The following TMEM129 variants were observed in gnomAD, a reference collection of about 807,000 sequenced individuals.
TMEM129 encodes transmembrane protein 129, E3 ubiquitin ligase, also known as E3 ubiquitin-protein ligase TM129.
A neutral mutation model predicts 34.1 loss-of-function variants in TMEM129; 35 were observed. That is an observed-to-expected ratio of 1.03 (90% confidence interval 0.78 to 1.36). The LOEUF is 1.36. Among genes scored for constraint, TMEM129 ranks in the 40% most tolerant of loss-of-function variants. The probability of loss-of-function intolerance (pLI) is 0.00; values close to 1 mark genes in which losing one functional copy is unlikely to be tolerated. For missense variants in TMEM129, 504 were observed against 512.6 expected, an observed-to-expected ratio of 0.98 and a Z score of 0.16; for synonymous variants, 239 against 217.3, an observed-to-expected ratio of 1.10 and a Z score of -0.88.
rs3822048 is a variant in TMEM129, at chr4:1,720,172, C to T, written c.205+461G>A. Among the ~76,000 whole-genome samples, 32,145 of 152,106 alleles carry T rather than the reference C, an allele frequency of 0.21. 3,659 individuals carry two copies. The highest frequency in any genetic ancestry group is 0.26 in the Non-Finnish European group (17,363 of 67,944). On this transcript the variant is annotated intron_variant, in intron 1 of 3. Coordinates refer to ENST00000382936, the MANE Select transcript of TMEM129 (RefSeq NM_001127266.2). This position sits in a 1 kb window ranked among gnomAD's most constrained non-coding sequence, Gnocchi z 4.4. ...ACAGAGGCCCTCCCCAGCCTCTGCCCCTGTGGCGCCCCCAAACTGGAACTG... is the reference window on the plus strand; with the variant it reads ...ACAGAGGCCCTCCCCAGCCTCTGCCTCTGTGGCGCCCCCAAACTGGAACTG...
At position 1,718,185 on chromosome 4, in the gene TMEM129, C is replaced by T. The variant is rs1560276742; in HGVS notation, c.647G>A (p.Ser216Asn). The stretch of plus-strand genomic sequence containing the variant: ...AAAGGCCTGCACAGCAGGGTTGGTG[C>T]TGGCCACACGGATGGTGAGGAGCTG... ...PVQLLTIRVA[S>N]TNPAVQAFDI... Residue 216 changes from serine (S) to asparagine (N), a missense_variant, in exon 2 of 4, where the codon AGC becomes AAC. By Grantham distance (46) the Ser-to-Asn change is conservative. Coordinates refer to ENST00000382936, the MANE Select transcript of TMEM129 (RefSeq NM_001127266.2). 1 of 1,582,644 alleles carries T rather than the reference C, an allele frequency of 6.3e-7. No homozygotes were observed. The highest frequency in any genetic ancestry group is 8.6e-7 in the Non-Finnish European group (1 of 1,164,730).
In TMEM129 at chr4:1,717,143, G is replaced by T. The variant is rs2236788; in HGVS notation, c.*37C>A. 2.5e-4 allele frequency: 350 copies of T among 1,402,776 alleles called. 2 individuals carry two copies. In the Middle Eastern group the frequency reaches 7.0e-3, roughly 28 times the overall value. The allele number at this position is 1,402,776 out of a possible 1,614,324, so 86.9% of individuals were successfully genotyped here. On this transcript the variant is annotated 3_prime_UTR_variant, in exon 4 of 4. Transcript: ENST00000382936. ...CCCCCTTCCCTGCCCTGTGGCTTTGGGGGGAGACACAGAGTCACCTCAAGG... is the reference window on the plus strand; with the variant it reads ...CCCCCTTCCCTGCCCTGTGGCTTTGTGGGGAGACACAGAGTCACCTCAAGG...
intron 1 of TMEM129, chr4:1,718,856 G>A (rs148682232): frequency 1.4e-5 from 19 of 1,396,218 alleles, no homozygotes; most frequent in Middle Eastern, 2.6e-4. Context: ...CACACAATAC[G>A]TAAGTGTTGA....
intron 2 of TMEM129, 132 bp downstream of exon 2, chr4:1,718,020 T>G: frequency 1.2e-6 from 1 of 856,668 alleles, no homozygotes; most frequent in Non-Finnish European, 1.8e-6. Flanking sequence ...ACACCTTGCC[T>G]GGTGTCACAC....
chr4:1,719,868 C>G (rs998835038), intron 1 of TMEM129, among the ~76,000 whole-genome samples: 39 of 152,214 alleles, frequency 2.6e-4, no homozygotes, highest in Admixed American at 2.2e-3. Context: ...TGGGCCCAGG[C>G]AGCTGCATCC....
rs1717325066 is a variant in TMEM129 at position 1,721,243 on chromosome 4, C to T, written c.-406G>A. On this transcript the variant is annotated 5_prime_UTR_variant, in exon 1 of 4. It removes an upstream start codon present in the reference 5' UTR. Transcript: ENST00000382936. Reference sequence around the variant, plus strand: ...ACTTAGGCCTGAGCGAGGCCCTGGCCATGAAGCCCCGCCCAGTAGCGTCAG... The same window carrying T: ...ACTTAGGCCTGAGCGAGGCCCTGGCTATGAAGCCCCGCCCAGTAGCGTCAG... 6.2e-6 allele frequency: 1 copy of T among 160,844 alleles called. No individual in the cohort carries two copies. Among genetic ancestry groups the T allele is most frequent in the South Asian group, 2.0e-4 (1 of 4,934 alleles). 10.0% of individuals were successfully genotyped at this position (160,844 alleles called of 1,614,324 possible). A position where few individuals can be genotyped will look rare whatever the true frequency, so the allele number is the denominator to read the frequency against.
In TMEM129 at chr4:1,717,908, A is replaced by G. The variant is rs1560276256; in HGVS notation, c.681-233T>C. On this transcript the variant is annotated intron_variant, in intron 2 of 3. Coordinates refer to ENST00000382936, the MANE Select transcript of TMEM129 (RefSeq NM_001127266.2). The stretch of plus-strand genomic sequence containing the variant: ...TGCACTGTCCTGAGTGCTCCCCAAG[A>G]ATCTGGGGGAGGTGGCTCCAGGGAG... 2.2e-5 allele frequency: 15 copies of G among 685,270 alleles called. No individual in the cohort carries two copies. In the East Asian group the frequency reaches 4.1e-4, roughly 19 times the overall value. The allele number at this position is 685,270 out of a possible 1,614,324, so 42.4% of individuals were successfully genotyped here.
In TMEM129 at chr4:1,720,889, C is replaced by T; in HGVS notation, c.-52G>A. The T allele has an allele frequency of 6.6e-7, 1 of 1,522,204 alleles. No individual in the cohort carries two copies. Among genetic ancestry groups the T allele is most frequent in the South Asian group, 1.2e-5 (1 of 81,198 alleles). The allele number at this position is 1,522,204 out of a possible 1,614,324, so 94.3% of individuals were successfully genotyped here. On this transcript the variant is annotated 5_prime_UTR_variant, in exon 1 of 4. Transcript: ENST00000382936. The surrounding 1 kb of genome is among the most constrained non-coding windows in gnomAD (Gnocchi z 4.4). ...CTAGGCCCCCGCCCCGGCGCGCGGA[C>T]GAGGCCGCAGCGCCCAGTCCCGGAC...
At chr4:1,717,724 A>G in intron 2 of TMEM129, 49 bp from the exon 3 acceptor site, 1 of 1,454,384 alleles carries the variant, frequency 6.9e-7, no homozygotes, top group Non-Finnish European at 9.1e-7. Context: ...AAGGGAGCGG[A>G]AGATGGAGGC....
chr4:1,717,896 G>A (rs1438159382), intron 2 of TMEM129: 3 of 700,636 alleles, frequency 4.3e-6, no homozygotes, highest in Non-Finnish European at 6.9e-6. Flanking sequence ...ACTGTCCTGA[G>A]TGCTCCCCAA....
At position 1,717,010 on chromosome 4, in the gene TMEM129, T is replaced by C. The variant is rs1240810135; in HGVS notation, c.*170A>G. ...GCAGGGTGGGGTGTTTTCATGAGGA[T>C]TGCTTTTAACCAAAAGTCCTCAGCC... On this transcript the variant is annotated 3_prime_UTR_variant, in exon 4 of 4. Transcript: ENST00000382936. The C allele has an allele frequency of 5.9e-6, 5 of 844,800 alleles. No homozygotes were observed. The highest frequency in any genetic ancestry group is 8.0e-6 in the Non-Finnish European group (5 of 623,106). The allele number at this position is 844,800 out of a possible 1,614,324, so 52.3% of individuals were successfully genotyped here. A position where few individuals can be genotyped will look rare whatever the true frequency, so the allele number is the denominator to read the frequency against.
chr4:1,719,240 G>A (rs1477627931), intron 1 of TMEM129: 3 of 460,288 alleles, frequency 6.5e-6, no homozygotes, highest in African/African-American at 2.0e-5. Flanking sequence ...TGCATTTCAA[G>A]GTAACATGAC....
At position 1,716,227 on chromosome 4, in the gene TMEM129, G is replaced by A. The variant is rs1716951576; in HGVS notation, c.*953C>T. ...AAACAGCCAAGCCCAGGGGCTTTGG[G>A]GCCGCAGGTATGAAGGCCCCTCCAG... On this transcript the variant is annotated 3_prime_UTR_variant, in exon 4 of 4. Coordinates refer to ENST00000382936, the MANE Select transcript of TMEM129 (RefSeq NM_001127266.2). 1 of 152,252 alleles carries A rather than the reference G, an allele frequency of 6.6e-6. No individual in the cohort carries two copies. The highest frequency in any genetic ancestry group is 2.1e-4 in the South Asian group (1 of 4,832). 9.4% of individuals were successfully genotyped at this position (152,252 alleles called of 1,614,324 possible).
rs1429853197 is a variant in TMEM129 at position 1,717,065 on chromosome 4, C to T, written c.*115G>A. The T allele has an allele frequency of 1.6e-6, 2 of 1,284,076 alleles. No homozygotes were observed. The highest frequency in any genetic ancestry group is 5.8e-5 in the East Asian group (2 of 34,234). 79.5% of individuals were successfully genotyped at this position (1,284,076 alleles called of 1,614,324 possible). On this transcript the variant is annotated 3_prime_UTR_variant, in exon 4 of 4. Coordinates refer to ENST00000382936, the MANE Select transcript of TMEM129 (RefSeq NM_001127266.2). ...GCAGACCCAGGGCAGAGGCGAGTTGCTCTACATCATGTGCTTTAAGTAGAG... is the reference window on the plus strand; with the variant it reads ...GCAGACCCAGGGCAGAGGCGAGTTGTTCTACATCATGTGCTTTAAGTAGAG...
At chr4:1,719,870 G>A (rs1029952849) in intron 1 of TMEM129, among the ~76,000 whole-genome samples, 2 of 152,200 alleles carry the variant, frequency 1.3e-5, no homozygotes, top group African/African-American at 2.4e-5. Context: ...GGCCCAGGCA[G>A]CTGCATCCTC....
At chr4:1,717,479 CCCACCCAT>C (rs746090593) in intron 3 of TMEM129, 29 bp downstream of exon 3, 42 of 1,500,334 alleles carry the variant, frequency 2.8e-5, no homozygotes, top group Non-Finnish European at 3.5e-5. Context: ...CCCGTGGGCA[CCCACCCAT>C]CCACCCGGCC....
Position 1,720,892 on chromosome 4 carries a change from G to A in TMEM129, c.-55C>T, listed in dbSNP as rs1011198011. 12 of 1,516,186 alleles carry A rather than the reference G, an allele frequency of 7.9e-6. No individual in the cohort carries two copies. In the African/African-American group the frequency reaches 1.4e-4, roughly 18 times the overall value. The allele number at this position is 1,516,186 out of a possible 1,614,324, so 93.9% of individuals were successfully genotyped here. ...GGCCCCCGCCCCGGCGCGCGGACGA[G>A]GCCGCAGCGCCCAGTCCCGGACCTG... is the stretch of plus-strand genomic sequence containing the variant. On this transcript the variant is annotated 5_prime_UTR_variant, in exon 1 of 4. Coordinates refer to ENST00000382936, the MANE Select transcript of TMEM129 (RefSeq NM_001127266.2). The surrounding 1 kb of genome is among the most constrained non-coding windows in gnomAD (Gnocchi z 4.4).
In TMEM129 at chr4:1,720,627, C is replaced by A. The variant is rs1717263298; in HGVS notation, c.205+6G>T. On this transcript the variant is annotated splice_donor_region_variant and intron_variant, in intron 1 of 3. Transcript: ENST00000382936. This position sits in a 1 kb window ranked among gnomAD's most constrained non-coding sequence, Gnocchi z 4.4. ...GGATGCGGCCGGCCGGCCCGAGCAG[C>A]CTCACCGAGCGGCAGCAGCGAGTGG... 2 of 1,537,220 alleles carry A rather than the reference C, an allele frequency of 1.3e-6. No homozygotes were observed. The highest frequency in any genetic ancestry group is 1.7e-6 in the Non-Finnish European group (2 of 1,144,250).
rs563493835 is a variant in TMEM129 at position 1,720,595 on chromosome 4, C to G, written c.205+38G>C. 6.6e-7 allele frequency: 1 copy of G among 1,522,990 alleles called. No homozygotes were observed. The highest frequency in any genetic ancestry group is 2.0e-5 in the Admixed American group (1 of 50,352). 94.3% of individuals were successfully genotyped at this position (1,522,990 alleles called of 1,614,324 possible). ...TCCTGACCTCCCAGCAAGCCCTGCG[C>G]AGGAGAGGATGCGGCCGGCCGGCCC... On this transcript the variant is annotated intron_variant, in intron 1 of 3. Coordinates refer to ENST00000382936, the MANE Select transcript of TMEM129 (RefSeq NM_001127266.2). This position sits in a 1 kb window ranked among gnomAD's most constrained non-coding sequence, Gnocchi z 4.4.
Sources: gnomAD v4.1 joint callset for allele counts (sites outside exome capture counted in the v4.1 genomes callset) on GRCh38, gnomAD v4.1.1 for gene constraint, Gnocchi (gnomAD v3.1) non-coding constraint, MANE v1.5 for transcripts, NCBI Gene and HGNC (gene_info 2026-07-23, HGNC 2026-07-21) for gene names.